Variants in PGGT1B observed in about 807,000 individuals in gnomAD.
PGGT1B encodes the protein protein geranylgeranyltransferase type I subunit beta.
A neutral mutation model predicts 46.1 loss-of-function variants in PGGT1B; 30 were observed. The ratio of observed to expected loss-of-function variants is 0.65; its 90% CI spans 0.49 to 0.88. The LOEUF (loss-of-function observed/expected upper bound fraction) is 0.88, where lower values mean the gene tolerates loss of function less well. PGGT1B is among the 40% of genes least tolerant of loss of function. The pLI is 0.00. For synonymous variants in PGGT1B, 170 were observed against 160.0 expected, an observed-to-expected ratio of 1.06 and a Z score of -0.47; for missense variants, 376 against 455.9, an observed-to-expected ratio of 0.82 and a Z score of 1.60.
At chr5:115,253,776 T>C (rs1580780006) in intron 1 of PGGT1B, among the ~76,000 whole-genome samples, 1 of 151,984 alleles carries the variant, frequency 6.6e-6, no homozygotes, top group Admixed American at 6.6e-5. Context: ...TTTAAAAAAA[T>C]ACAAATGTAC....
At chr5:115,245,857 T>C (rs1008596445) in intron 2 of PGGT1B, among the ~76,000 whole-genome samples, 1 of 152,214 alleles carries the variant, frequency 6.6e-6, no homozygotes, top group African/African-American at 2.4e-5. Context: ...ACTATGAAAC[T>C]GGATAAAGAA....
intron 2 of PGGT1B, among the ~76,000 whole-genome samples, chr5:115,249,170 A>G (rs1286437331): frequency 4.0e-5 from 6 of 151,060 alleles, no homozygotes; most frequent in Non-Finnish European, 8.8e-5. Flanking sequence ...AAGATTTTCT[A>G]TGTATCCTTT....
In PGGT1B at chr5:115,253,136, C is replaced by T; in HGVS notation, c.259+1G>A. On this transcript the variant is annotated splice_donor_variant, in intron 2 of 8. Transcript: ENST00000419445. LOFTEE classifies it high-confidence loss of function. Reference sequence around the variant, plus strand: ...AAATAAAATGCTAAAAACTCACTCACTGTCTTCTGTGGGAAGGACCTGCAG... The same window carrying T: ...AAATAAAATGCTAAAAACTCACTCATTGTCTTCTGTGGGAAGGACCTGCAG... The T allele has an allele frequency of 6.3e-7, 1 of 1,599,160 alleles. No individual in the cohort carries two copies. Among genetic ancestry groups the T allele is most frequent in the Non-Finnish European group, 8.5e-7 (1 of 1,174,976 alleles).
chr5:115,222,977 A>G (rs1266618582), intron 6 of PGGT1B, among the ~76,000 whole-genome samples: 2 of 152,080 alleles, frequency 1.3e-5, no homozygotes, highest in Non-Finnish European at 2.9e-5. Flanking sequence ...GTGGGGTGGG[A>G]GGAGTGGGGA....
intron 1 of PGGT1B, among the ~76,000 whole-genome samples, chr5:115,257,530 C>CAAAAAAAA (rs1169870044): frequency 2.8e-4 from 20 of 72,052 alleles, no homozygotes; most frequent in East Asian, 4.3e-4. Flanking sequence ...AACTCCATCT[C>CAAAAAAAA]AAAAAAAAAA....
chr5:115,220,292 T>C (rs1383548676), intron 7 of PGGT1B, among the ~76,000 whole-genome samples: 1 of 151,886 alleles, frequency 6.6e-6, no homozygotes, highest in African/African-American at 2.4e-5. Flanking sequence ...AATTTTGATA[T>C]ATGCCATGTC....
chr5:115,241,642 C>A, intron 2 of PGGT1B, 36 bp from the exon 3 acceptor site: 2 of 1,493,502 alleles, frequency 1.3e-6, no homozygotes, highest in Non-Finnish European at 1.8e-6. Context: ...TTAAAGTACA[C>A]TTTATTTTTG....
In PGGT1B at chr5:115,221,849, G is replaced by C. The variant is rs374939078; in HGVS notation, c.818C>G (p.Ser273Cys). Reference protein sequence around the residue: ...RPNKPVDTCYSFWVGATLKLL... With the variant: ...RPNKPVDTCYCFWVGATLKLL... ...CTTCAGAGTTGCTCCCACCCAAAAAGAATAACAGGTGTCTACAGGCTTATT... is the reference window on the plus strand; with the variant it reads ...CTTCAGAGTTGCTCCCACCCAAAAACAATAACAGGTGTCTACAGGCTTATT... Residue 273 changes from serine to cysteine, a missense_variant, in exon 7 of 9, where the codon TCT (serine) becomes TGT (cysteine). Coordinates refer to ENST00000419445, the MANE Select transcript of PGGT1B (RefSeq NM_005023.4). The C allele has an allele frequency of 2.5e-6, 4 of 1,592,072 alleles. No individual in the cohort carries two copies. Among genetic ancestry groups the C allele is most frequent in the Admixed American group, 3.6e-5 (2 of 55,290 alleles).
In PGGT1B at chr5:115,212,237, G is replaced by T. The variant is rs151209816; in HGVS notation, c.*165C>A. 7.7e-4 allele frequency: 967 copies of T among 1,250,342 alleles called. 7 individuals carry two copies. In the African/African-American group the frequency reaches 0.014, roughly 18 times the overall value. The allele number at this position is 1,250,342 out of a possible 1,614,324, so 77.5% of individuals were successfully genotyped here. On this transcript the variant is annotated 3_prime_UTR_variant, in exon 9 of 9. Coordinates refer to ENST00000419445, the MANE Select transcript of PGGT1B (RefSeq NM_005023.4). ...TCAACAAAGATTTTCTTGAAACCCA[G>T]TATAAAGATTACTGGCTCAAGACCA...
chr5:115,233,667 A>G (rs542158023), intron 5 of PGGT1B, among the ~76,000 whole-genome samples: 2 of 152,130 alleles, frequency 1.3e-5, no homozygotes, highest in East Asian at 3.9e-4. Context: ...ATGGTCAATT[A>G]CACTCATAAT....
At chr5:115,259,685 C>CAAAAAA (rs917531364) in intron 1 of PGGT1B, among the ~76,000 whole-genome samples, 59 of 29,144 alleles carry the variant, frequency 2.0e-3, no homozygotes, top group Non-Finnish European at 2.4e-3. Context: ...GAGACTGTCT[C>CAAAAAA]AAAAAAAAAA....
intron 5 of PGGT1B, among the ~76,000 whole-genome samples, chr5:115,234,608 A>C (rs1279009431): frequency 1.3e-5 from 2 of 152,084 alleles, no homozygotes; most frequent in African/African-American, 4.8e-5. Flanking sequence ...ACATAACCAT[A>C]TTAAAGGGGG....
intron 7 of PGGT1B, among the ~76,000 whole-genome samples, chr5:115,221,283 A>G: frequency 6.6e-6 from 1 of 152,038 alleles, no homozygotes; most frequent in East Asian, 1.9e-4. Context: ...TTTAGTGACT[A>G]AATAACCTTA....
intron 2 of PGGT1B, among the ~76,000 whole-genome samples, chr5:115,241,974 G>A (rs1189124107): frequency 6.6e-6 from 1 of 152,100 alleles, no homozygotes; most frequent in Non-Finnish European, 1.5e-5. Context: ...GATTGTTCAA[G>A]GTAACGGTTA....
At chr5:115,225,157 A>G (rs941955362) in intron 6 of PGGT1B, among the ~76,000 whole-genome samples, 3 of 152,220 alleles carry the variant, frequency 2.0e-5, no homozygotes, top group Non-Finnish European at 4.4e-5. Flanking sequence ...AGTATGAACA[A>G]AAGTTTAAGG....
intron 2 of PGGT1B, among the ~76,000 whole-genome samples, chr5:115,248,409 A>G (rs962748210): frequency 2.0e-5 from 3 of 152,204 alleles, no homozygotes; most frequent in African/African-American, 7.2e-5. Flanking sequence ...TAATGTCCTC[A>G]TTTGTAAAAT....
In PGGT1B at chr5:115,207,973, G is replaced by A. The variant is rs1360022553; in HGVS notation, c.*4429C>T. 6.6e-6 allele frequency: 1 copy of A among 151,892 alleles called. No individual in the cohort carries two copies. Among genetic ancestry groups the A allele is most frequent in the Non-Finnish European group, 1.5e-5 (1 of 67,914 alleles). 9.4% of individuals were successfully genotyped at this position (151,892 alleles called of 1,614,324 possible). On this transcript the variant is annotated 3_prime_UTR_variant, in exon 9 of 9. Transcript: ENST00000419445. The stretch of plus-strand genomic sequence containing the variant: ...ATAAGTGAGTGCTCAATTCTATCAT[G>A]TCTTTTCTGCAAAGATGAAGATATT...
At chr5:115,245,195 G>T (rs999677823) in intron 2 of PGGT1B, among the ~76,000 whole-genome samples, 2 of 152,062 alleles carry the variant, frequency 1.3e-5, no homozygotes, top group Non-Finnish European at 2.9e-5. Context: ...ATTCTGTCAG[G>T]TGTTTTACAT....
chr5:115,217,415 A>G (rs1756455171), intron 7 of PGGT1B, among the ~76,000 whole-genome samples: 1 of 152,148 alleles, frequency 6.6e-6, no homozygotes, highest in Non-Finnish European at 1.5e-5. Context: ...CAGATGCTAC[A>G]GACAGTTTTG....
Sources: gnomAD v4.1 joint callset for allele counts (sites outside exome capture counted in the v4.1 genomes callset) on GRCh38, gnomAD v4.1.1 for gene constraint, MANE v1.5 for transcripts, NCBI Gene and HGNC (gene_info 2026-07-23, HGNC 2026-07-21) for gene names.